NLRC3: variants seen among roughly 807,000 people sequenced by gnomAD.
The protein encoded by NLRC3 is NLR family CARD domain containing 3.
A neutral mutation model predicts 91.6 loss-of-function variants in NLRC3; 87 were observed. The observed-to-expected ratio is 0.95, with a 90% CI of 0.80 to 1.14. The LOEUF is 1.14. Ranked by LOEUF, NLRC3 falls within the 50% of genes most tolerant of loss-of-function variation. The probability of loss-of-function intolerance (pLI) is 0.00; values close to 1 mark genes in which losing one functional copy is unlikely to be tolerated. For synonymous variants in NLRC3, 694 were observed against 625.3 expected (o/e 1.11, Z -1.64); for missense variants, 1,577 against 1,418.6 (o/e 1.11, Z -1.79).
At position 3,539,556 on chromosome 16, in the gene NLRC3, T is replaced by G. The variant is rs1460262058; in HGVS notation, c.*2269A>C. 6.6e-6 allele frequency: 1 copy of G among 152,260 alleles called. No homozygotes were observed. Among genetic ancestry groups the G allele is most frequent in the Non-Finnish European group, 1.5e-5 (1 of 68,068 alleles). 9.4% of individuals were successfully genotyped at this position (152,260 alleles called of 1,614,324 possible). A position where few individuals can be genotyped will look rare whatever the true frequency, so the allele number is the denominator to read the frequency against. ...CGTTAGGTTTCTGTAGGGCCCAGCT[T>G]TCTCCAGTGTTTGGCTACTGCAACT... On this transcript the variant is annotated 3_prime_UTR_variant, in exon 20 of 20. Coordinates refer to ENST00000359128, the MANE Select transcript of NLRC3 (RefSeq NM_178844.4).
At chr16:3,551,140 T>TCCCTCCATCTAC (rs2038974984) in intron 10 of NLRC3, among the ~76,000 whole-genome samples, 1 of 150,864 alleles carries the variant, frequency 6.6e-6, no homozygotes. Flanking sequence ...CATCCATCCA[T>TCCCTCCATCTAC]CCACTCACCT....
intron 17 of NLRC3, 150 bp downstream of exon 17, chr16:3,543,275 G>A: frequency 3.1e-6 from 2 of 652,712 alleles, no homozygotes; most frequent in Non-Finnish European, 5.4e-6. Flanking sequence ...AAGGCATGAA[G>A]TGGGGCTGGG....
intron 11 of NLRC3, 30 bp downstream of exon 11, chr16:3,550,384 G>C (rs771108996): frequency 2.0e-6 from 3 of 1,488,620 alleles, no homozygotes; most frequent in Non-Finnish European, 2.8e-6. Context: ...AGAACCCAGG[G>C]GGAATCGTCA....
Position 3,564,951 on chromosome 16 carries a change from A to T in NLRC3, c.86T>A (p.Met29Lys), listed in dbSNP as rs750041932. The T allele has an allele frequency of 1.9e-6, 3 of 1,610,758 alleles. No homozygotes were observed. Among genetic ancestry groups the T allele is most frequent in the South Asian group, 1.1e-5 (1 of 91,010 alleles). The change falls in exon 4 of 20, where the codon ATG becomes AAG. Residue 29 changes from methionine (M) to lysine (K), a missense_variant. Coordinates refer to ENST00000359128, the MANE Select transcript of NLRC3 (RefSeq NM_178844.4). This position sits in a 1 kb window ranked among gnomAD's most constrained non-coding sequence, Gnocchi z 5.9. ...ACTGCCCTTCCCAGCCAGCAGATCCATGAGGGCTTTCACCTGCTCGGCTGG... is the reference window on the plus strand; with the variant it reads ...ACTGCCCTTCCCAGCCAGCAGATCCTTGAGGGCTTTCACCTGCTCGGCTGG... Reference protein sequence around the residue: ...GSPAEQVKALMDLLAGKGSQG... With the variant: ...GSPAEQVKALKDLLAGKGSQG...
chr16:3,550,271 G>A, intron 11 of NLRC3, 143 bp downstream of exon 11: 1 of 615,400 alleles, frequency 1.6e-6, no homozygotes. Context: ...TGGTGGGGCA[G>A]GGGCTACTGA....
In NLRC3 at chr16:3,563,238, CGTT is replaced by C. The variant is rs2039692247; in HGVS notation, c.1696_1698del (p.Asn566del). ...TGCAGCTCATGCAGGCAGTGCAACA[CGTT>C]GATGGCCCGTGCACAGACTGCGGCA... On this transcript the variant is annotated inframe_deletion, in exon 5 of 20. Transcript: ENST00000359128. 6.2e-7 allele frequency: 1 copy of C among 1,605,486 alleles called. No homozygotes were observed. Among genetic ancestry groups the C allele is most frequent in the South Asian group, 1.1e-5 (1 of 89,966 alleles).
chr16:3,543,070 T>C, intron 17 of NLRC3: 1 of 496,704 alleles, frequency 2.0e-6, no homozygotes, highest in Non-Finnish European at 3.6e-6. Context: ...TCTGGGCAGG[T>C]CCCCAGTGCT....
At position 3,564,350 on chromosome 16, in the gene NLRC3, G is replaced by T. The variant is rs774034041; in HGVS notation, c.587C>A (p.Ser196Ter). The change falls in exon 5 of 20, where the codon TCG (serine) becomes TAG (stop). Residue 196 changes from serine to a stop codon, truncating the protein, a stop_gained. Transcript: ENST00000359128. LOFTEE classifies it high-confidence loss of function. This position sits in a 1 kb window ranked among gnomAD's most constrained non-coding sequence, Gnocchi z 5.9. ...EKLCADRLIC[S>*]VFPHVGEPSL... is the part of the protein sequence containing the mutation. ...GGGCTCCCCGACGTGCGGGAAGACC[G>T]AGCAGATGAGTCGGTCGGCACACAG... 1 of 1,611,986 alleles carries T rather than the reference G, an allele frequency of 6.2e-7. No homozygotes were observed. Among genetic ancestry groups the T allele is most frequent in the Non-Finnish European group, 8.5e-7 (1 of 1,179,722 alleles).
Position 3,563,179 on chromosome 16 carries a change from GGCCTCCTC to G in NLRC3, c.1750_1757del (p.Glu584HisfsTer94). On this transcript the variant is annotated frameshift_variant, in exon 5 of 20. Transcript: ENST00000359128. LOFTEE classifies it high-confidence loss of function. ...GCCTGGCCAGGGCCCCGCTCTCCAT[GGCCTCCTC>G]CACGCTGCGGGCCAGCTCGGTGTGC... 6.3e-7 allele frequency: 1 copy of G among 1,593,628 alleles called. No individual in the cohort carries two copies. Among genetic ancestry groups the G allele is most frequent in the Non-Finnish European group, 8.5e-7 (1 of 1,172,482 alleles).
chr16:3,571,374 C>A (rs2040089635), intron 1 of NLRC3, among the ~76,000 whole-genome samples: 1 of 143,864 alleles, frequency 7.0e-6, no homozygotes, highest in Non-Finnish European at 1.5e-5. Context: ...TAGTGACACA[C>A]CATCTCTACA....
intron 15 of NLRC3, chr16:3,544,602 C>A (rs1283334152): frequency 2.4e-6 from 1 of 417,200 alleles, no homozygotes; most frequent in Non-Finnish European, 4.3e-6. Flanking sequence ...GGCTTGGGAC[C>A]CAAAAGGGGA....
rs1473124254 is a variant in NLRC3, at chr16:3,564,176, C to T, written c.761G>A (p.Arg254His). 3.7e-6 allele frequency: 6 copies of T among 1,613,588 alleles called. No homozygotes were observed. The highest frequency in any genetic ancestry group is 1.1e-5 in the South Asian group (1 of 91,080). ...GGAAACTTCCGGAAAGAGGTTGCCA[C>T]GGATGATGTTGGTGATCAGGTGGTC... ...PVDHLITNII[R>H]GNLFPEVSIW... The change falls in exon 5 of 20, where the codon CGT (arginine) becomes CAT (histidine). Residue 254 changes from arginine (R) to histidine (H), a missense_variant. Physicochemically the swap from Arg to His is conservative, Grantham distance 29 (BLOSUM62 0). Coordinates refer to ENST00000359128, the MANE Select transcript of NLRC3 (RefSeq NM_178844.4). This position sits in a 1 kb window ranked among gnomAD's most constrained non-coding sequence, Gnocchi z 5.9.
intron 1 of NLRC3, among the ~76,000 whole-genome samples, chr16:3,573,361 A>T (rs1028266364): frequency 2.6e-5 from 4 of 152,196 alleles, no homozygotes; most frequent in Non-Finnish European, 4.4e-5. Context: ...CCCGCCGTCA[A>T]GGCTGCAGTT....
intron 15 of NLRC3, among the ~76,000 whole-genome samples, chr16:3,547,708 G>A (rs554392806): frequency 2.6e-5 from 4 of 151,906 alleles, no homozygotes; most frequent in Admixed American, 6.6e-5. Flanking sequence ...TCACTCTGTC[G>A]CCCAGGCTGG....
chr16:3,561,492 G>T (rs1232356919), intron 6 of NLRC3, among the ~76,000 whole-genome samples: 1 of 152,184 alleles, frequency 6.6e-6, no homozygotes, highest in Non-Finnish European at 1.5e-5. Context: ...GTCCCGCCAG[G>T]TCACCTCCCT....
chr16:3,553,473 A>G (rs894357548), intron 9 of NLRC3, among the ~76,000 whole-genome samples: 5 of 152,158 alleles, frequency 3.3e-5, no homozygotes, highest in African/African-American at 1.2e-4. Context: ...GGGACCACAA[A>G]TGGCCACTCC....
Position 3,564,142 on chromosome 16 carries a change from G to A in NLRC3, c.795C>T (p.Ile265=), listed in dbSNP as rs370165202. Residue 265 remains isoleucine (I), a synonymous_variant, in exon 5 of 20, where the codon ATC becomes ATT. Coordinates refer to ENST00000359128, the MANE Select transcript of NLRC3 (RefSeq NM_178844.4). The surrounding 1 kb of genome is among the most constrained non-coding windows in gnomAD (Gnocchi z 5.9). ...GNLFPEVSIW[I]TSRPSASGQI... Reference sequence around the variant, plus strand: ...GGCCAGATGCACTGGGACGGGAGGTGATCCAGATGGAAACTTCCGGAAAGA... The same window carrying A: ...GGCCAGATGCACTGGGACGGGAGGTAATCCAGATGGAAACTTCCGGAAAGA... 11 of 1,613,688 alleles carry A rather than the reference G, an allele frequency of 6.8e-6. No individual in the cohort carries two copies. Among genetic ancestry groups the A allele is most frequent in the Non-Finnish European group, 9.3e-6 (11 of 1,179,868 alleles).
At chr16:3,552,670 G>T (rs1236289880) in intron 9 of NLRC3, among the ~76,000 whole-genome samples, 1 of 152,036 alleles carries the variant, frequency 6.6e-6, no homozygotes, top group African/African-American at 2.4e-5. Flanking sequence ...GGCCAGGTAC[G>T]GTGGCTCATG....
At chr16:3,568,751 G>A (rs2039979658) in intron 1 of NLRC3, among the ~76,000 whole-genome samples, 1 of 152,044 alleles carries the variant, frequency 6.6e-6, no homozygotes, top group African/African-American at 2.4e-5. Flanking sequence ...GATGGGATTT[G>A]AATTGACATT....
Sources: gnomAD v4.1 joint callset for allele counts (sites outside exome capture counted in the v4.1 genomes callset) on GRCh38, gnomAD v4.1.1 for gene constraint, Gnocchi (gnomAD v3.1) non-coding constraint, MANE v1.5 for transcripts, NCBI Gene and HGNC (gene_info 2026-07-23, HGNC 2026-07-21) for gene names.